The following KMT2C variants were observed in gnomAD, a reference collection of about 807,000 sequenced individuals.
KMT2C encodes the protein lysine methyltransferase 2C.
Under a neutral mutation model 507.9 loss-of-function variants are expected in KMT2C, and 88 were observed. That is an observed-to-expected ratio of 0.17 (90% CI 0.15 to 0.21). The LOEUF is 0.21. KMT2C is among the 10% of genes least tolerant of loss of function. The pLI, the probability that KMT2C is intolerant of heterozygous loss-of-function variation, is 1.00. For synonymous variants in KMT2C, 2,049 were observed against 2,080.8 expected, an observed-to-expected ratio of 0.98 and a Z score of 0.42; for missense variants, 4,954 against 5,957.8, an observed-to-expected ratio of 0.83 and a Z score of 5.55.
chr7:152,370,611 C>A (rs2129240771), intron 1 of KMT2C, among the ~76,000 whole-genome samples: 1 of 152,296 alleles, frequency 6.6e-6, no homozygotes, highest in South Asian at 2.1e-4. Context: ...CAAAAATCAT[C>A]AAGAATATAT....
At position 152,162,318 on chromosome 7, in the gene KMT2C, G is replaced by A. The variant is rs367885635; in HGVS notation, c.11259C>T (p.Val3753=). 1.9e-6 allele frequency: 3 copies of A among 1,614,106 alleles called. No individual in the cohort carries two copies. The highest frequency in any genetic ancestry group is 2.5e-6 in the Non-Finnish European group (3 of 1,180,038). The part of the protein sequence containing the change: ...KVEGNAVACP[V]SSAQSPPHSA... ...AATGGGGAGGACTCTGTGCTGAGGA[G>A]ACAGGACAGGCTACAGCGTTTCCTT... The change falls in exon 43 of 59, where the codon GTC becomes GTT. Residue 3753 remains valine (V), a synonymous_variant. Transcript: ENST00000262189.
chr7:152,141,377 T>G (rs1476089257), intron 55 of KMT2C, among the ~76,000 whole-genome samples: 1 of 151,722 alleles, frequency 6.6e-6, no homozygotes, highest in Non-Finnish European at 1.5e-5. Flanking sequence ...CAGTAGTAAC[T>G]GGTATTAAAA....
chr7:152,380,379 C>A (rs1035876200), intron 1 of KMT2C, among the ~76,000 whole-genome samples: 3 of 152,250 alleles, frequency 2.0e-5, no homozygotes, highest in African/African-American at 7.2e-5. Context: ...GCCAACCTGA[C>A]CACTATGATG....
Position 152,163,760 on chromosome 7 carries a change from A to T in KMT2C, c.9817T>A (p.Cys3273Ser). 1 of 1,614,156 alleles carries T rather than the reference A, an allele frequency of 6.2e-7. No individual in the cohort carries two copies. Among genetic ancestry groups the T allele is most frequent in the Non-Finnish European group, 8.5e-7 (1 of 1,180,026 alleles). ...ATCATGGTAGGTGGGGCCATTGCAC[A>T]TTGCTGCTGCTGTTTGATCCGATAA... is the stretch of plus-strand genomic sequence containing the variant. ...EDYRIKQQQQ[C>S]AMAPPTMMPS... The change falls in exon 43 of 59, where the codon TGT (cysteine) becomes AGT (serine). Residue 3273 changes from cysteine to serine, a missense_variant. Around this residue, in one of 29 missense-constraint regions of KMT2C, gnomAD observed 801 missense variants for 751.2 expected, o/e 1.07. Transcript: ENST00000262189.
Position 152,393,204 on chromosome 7 carries a change from C to T in KMT2C, c.162-34529G>A, listed in dbSNP as rs145110403. 2.0e-5 allele frequency among the ~76,000 whole-genome samples: 3 copies of T among 152,306 alleles called. No individual in the cohort carries two copies. The East Asian group carries it at 5.8e-4, about 29-fold the overall frequency. On this transcript the variant is annotated intron_variant, in intron 1 of 58. Transcript: ENST00000262189. ...GGCATTCAGGTTAAAATGACAACTG[C>T]ACCCAGAATAGGAAAAACTATAAAT...
chr7:152,422,042 C>G (rs1314773719), intron 1 of KMT2C, among the ~76,000 whole-genome samples: 2 of 152,066 alleles, frequency 1.3e-5, no homozygotes, highest in African/African-American at 4.8e-5. Flanking sequence ...GTTGAAGTAA[C>G]CACATTTTTA....
intron 6 of KMT2C, among the ~76,000 whole-genome samples, chr7:152,284,350 G>C (rs887082791): frequency 2.0e-5 from 3 of 152,070 alleles, no homozygotes; most frequent in Non-Finnish European, 4.4e-5. Context: ...TAATCCAAGA[G>C]AGCAATAAAT....
chr7:152,337,702 C>A (rs890772002), intron 2 of KMT2C, among the ~76,000 whole-genome samples: 2 of 151,836 alleles, frequency 1.3e-5, no homozygotes, highest in Non-Finnish European at 2.9e-5. Flanking sequence ...ATAAAACTGT[C>A]TTTATGATCC....
At chr7:152,206,102 G>A (rs1050241187) in intron 24 of KMT2C, among the ~76,000 whole-genome samples, 12 of 152,150 alleles carry the variant, frequency 7.9e-5, no homozygotes, top group Non-Finnish European at 1.0e-4. Context: ...AAAAGGGGGT[G>A]AGGCAAAGCA....
chr7:152,348,180 A>C (rs2097077701), intron 2 of KMT2C, among the ~76,000 whole-genome samples: 1 of 152,250 alleles, frequency 6.6e-6, no homozygotes, highest in African/African-American at 2.4e-5. Context: ...CTATTAAAAC[A>C]AATTGAATCA....
Position 152,367,083 on chromosome 7 carries a change from G to C in KMT2C, c.162-8408C>G, listed in dbSNP as rs1001864648. ...AAATCTGTAGTCAGAACTCTGTGCT[G>C]CATTTTTATCCAGAGAAGGAACAGG... On this transcript the variant is annotated intron_variant, in intron 1 of 58. Transcript: ENST00000262189. The C allele has an allele frequency of 3.4e-5, 26 of 765,792 alleles. No homozygotes were observed. The Admixed American group carries it at 5.8e-4, about 17-fold the overall frequency. 47.4% of individuals were successfully genotyped at this position (765,792 alleles called of 1,614,324 possible). A position where few individuals can be genotyped will look rare whatever the true frequency, so the allele number is the denominator to read the frequency against.
At chr7:152,225,677 C>T (rs2094906621) in intron 18 of KMT2C, among the ~76,000 whole-genome samples, 1 of 152,040 alleles carries the variant, frequency 6.6e-6, no homozygotes, top group Non-Finnish European at 1.5e-5. Flanking sequence ...ACAGATCCAA[C>T]AAAGGACATC....
At chr7:152,297,125 T>C (rs1263162573) in intron 6 of KMT2C, among the ~76,000 whole-genome samples, 2 of 151,434 alleles carry the variant, frequency 1.3e-5, no homozygotes, top group African/African-American at 4.8e-5. Context: ...TATGTGAACA[T>C]ATATATGCTA....
chr7:152,172,284 A>G (rs569282544), intron 39 of KMT2C, among the ~76,000 whole-genome samples: 1 of 152,348 alleles, frequency 6.6e-6, no homozygotes, highest in South Asian at 2.1e-4. Flanking sequence ...TCTAAAAAGC[A>G]GTCAGTAGAA....
intron 2 of KMT2C, among the ~76,000 whole-genome samples, chr7:152,348,563 T>C (rs190258605): frequency 5.2e-5 from 7 of 133,406 alleles, no homozygotes; most frequent in Admixed American, 4.3e-4. Flanking sequence ...TGTGCCATTG[T>C]ACTCCAGCCT....
intron 1 of KMT2C, among the ~76,000 whole-genome samples, chr7:152,409,097 G>A (rs77701735): frequency 6.6e-6 from 1 of 151,582 alleles, no homozygotes; most frequent in African/African-American, 2.4e-5. Flanking sequence ...TTGACCTCCG[G>A]AGCTCAACCT....
intron 2 of KMT2C, among the ~76,000 whole-genome samples, chr7:152,342,968 C>T (rs966779140): frequency 1.3e-5 from 2 of 152,110 alleles, no homozygotes; most frequent in African/African-American, 4.8e-5. Flanking sequence ...AGTGAAAGGG[C>T]AGGGTGGGGA....
At position 152,144,655 on chromosome 7, in the gene KMT2C, T is replaced by G; in HGVS notation, c.14343+58A>C. On this transcript the variant is annotated intron_variant, in intron 55 of 58. Transcript: ENST00000262189. The surrounding 1 kb of genome is among the most constrained non-coding windows in gnomAD (Gnocchi z 4.4). ...TTTCACATACTGGACATCAATAGCT[T>G]CAGATTGCTAGACTCCACCCTGTCT... 2 of 1,512,092 alleles carry G rather than the reference T, an allele frequency of 1.3e-6. No homozygotes were observed. Among genetic ancestry groups the G allele is most frequent in the Non-Finnish European group, 1.8e-6 (2 of 1,102,218 alleles). The allele number at this position is 1,512,092 out of a possible 1,614,324, so 93.7% of individuals were successfully genotyped here.
At chr7:152,259,446 G>GCGCACACACACA (rs1188729137) in intron 9 of KMT2C, among the ~76,000 whole-genome samples, 43 of 134,786 alleles carry the variant, frequency 3.2e-4, no homozygotes, top group African/African-American at 1.0e-3. Flanking sequence ...ACACACACGC[G>GCGCACACACACA]CACACACACA....
Sources: gnomAD v4.1 joint callset for allele counts (sites outside exome capture counted in the v4.1 genomes callset) on GRCh38, gnomAD v4.1.1 for gene constraint, gnomAD v4.1.1 regional missense constraint, Gnocchi (gnomAD v3.1) non-coding constraint, MANE v1.5 for transcripts, NCBI Gene and HGNC (gene_info 2026-07-23, HGNC 2026-07-21) for gene names.